Variants in MROH2A observed in about 807,000 individuals in gnomAD.
The protein encoded by MROH2A is maestro heat-like repeat-containing protein family member 2A.
MROH2A carries 174 observed loss-of-function variants against 200.4 expected under a neutral mutation model. That is an observed-to-expected ratio of 0.87 (90% confidence interval 0.77 to 0.98). The LOEUF (loss-of-function observed/expected upper bound fraction) is 0.98. MROH2A is among the 50% of genes least tolerant of loss of function. MROH2A has a pLI of 0.00. For missense variants in MROH2A, 2,045 were observed against 2,139.6 expected, an observed-to-expected ratio of 0.96 and a Z score of 0.87; for synonymous variants, 829 against 840.4, an observed-to-expected ratio of 0.99 and a Z score of 0.23.
chr2:233,809,730 CTA>C (rs1703031827), intron 22 of MROH2A, among the ~76,000 whole-genome samples: 1 of 152,014 alleles, frequency 6.6e-6, no homozygotes, highest in Non-Finnish European at 1.5e-5. Flanking sequence ...TTTTTTAAAA[CTA>C]TGGCAAAATA....
intron 30 of MROH2A, 134 bp downstream of exon 30, chr2:233,819,603 G>C (rs1409788392): frequency 1.0e-6 from 1 of 998,530 alleles, no homozygotes; most frequent in African/African-American, 1.6e-5. Context: ...CTAAAGAGGA[G>C]GAGGAAACAG....
Position 233,798,784 on chromosome 2 carries a change from G to C in MROH2A, c.1263G>C (p.Met421Ile). Residue 421 changes from methionine to isoleucine, a missense_variant, in exon 12 of 42, where the codon ATG (methionine) becomes ATC (isoleucine). Physicochemically the swap from Met to Ile is conservative, Grantham distance 10. Around this residue, in one of 3 missense-constraint regions of MROH2A, gnomAD observed 831 missense variants for 800.0 expected, o/e 1.04. Transcript: ENST00000389758. ...GTTTTCCTCTTTCAGAGCCCAGGATGAGTATCAGGGCCATCTACCTGGCTA... is the reference window on the plus strand; with the variant it reads ...GTTTTCCTCTTTCAGAGCCCAGGATCAGTATCAGGGCCATCTACCTGGCTA... ...RAIVSADEPR[M>I]SIRAIYLAIR... 6.5e-7 allele frequency: 1 copy of C among 1,550,304 alleles called. No individual in the cohort carries two copies. Among genetic ancestry groups the C allele is most frequent in the South Asian group, 1.2e-5 (1 of 84,032 alleles).
At position 233,819,385 on chromosome 2, in the gene MROH2A, G is replaced by A. The variant is rs1375926975; in HGVS notation, c.3273G>A (p.Gly1091=). 1 of 1,550,468 alleles carries A rather than the reference G, an allele frequency of 6.4e-7. No homozygotes were observed. Among genetic ancestry groups the A allele is most frequent in the African/African-American group, 1.4e-5 (1 of 73,046 alleles). ...TCCAGAAGCTCTGCGAGAACACTGG[G>A]GCCATGAACCTGCAGCATGACAAGG... ...SLIQKLCENT[G]AMNLQHDKAS... is the part of the protein sequence containing the mutation. Residue 1091 remains glycine (G), a synonymous_variant, in exon 30 of 42, where the codon GGG becomes GGA. Transcript: ENST00000389758.
At position 233,828,801 on chromosome 2, in the gene MROH2A, C is replaced by G; in HGVS notation, c.4263+22C>G. On this transcript the variant is annotated intron_variant, in intron 36 of 41. Coordinates refer to ENST00000389758, the MANE Select transcript of MROH2A (RefSeq NM_001394639.1). This position sits in a 1 kb window ranked among gnomAD's most constrained non-coding sequence, Gnocchi z 4.6. ...GAAGGTACTGTGCCTGGCCCTGGGC[C>G]CAGGTCCCGGGAGCTGAGGGTGCAG... 1 of 1,549,302 alleles carries G rather than the reference C, an allele frequency of 6.5e-7. No individual in the cohort carries two copies. The highest frequency in any genetic ancestry group is 8.7e-7 in the Non-Finnish European group (1 of 1,146,200).
chr2:233,779,935 T>A, intron 3 of MROH2A, 83 bp downstream of exon 3: 1 of 1,175,494 alleles, frequency 8.5e-7, no homozygotes, highest in Non-Finnish European at 1.2e-6. Context: ...TTACTGACTA[T>A]CAGAGATGTG....
chr2:233,776,952 G>A (rs1364928656), upstream of MROH2A, among the ~76,000 whole-genome samples: 1 of 152,158 alleles, frequency 6.6e-6, no homozygotes, highest in Non-Finnish European at 1.5e-5. Context: ...AGAACAGCCT[G>A]GGTGAGCCCT....
intron 9 of MROH2A, 45 bp downstream of exon 9, chr2:233,795,790 A>G (rs905826356): frequency 3.9e-5 from 60 of 1,550,516 alleles, no homozygotes; most frequent in Non-Finnish European, 5.0e-5. Context: ...CTCTGGGTGG[A>G]TCAGCAGGAA....
At chr2:233,799,156 A>G (rs944263498) in intron 12 of MROH2A, among the ~76,000 whole-genome samples, 4 of 152,124 alleles carry the variant, frequency 2.6e-5, no homozygotes, top group African/African-American at 9.7e-5. Context: ...TGAGGTCTTT[A>G]TCGCATGTGA....
intron 15 of MROH2A, chr2:233,802,541 A>C: frequency 4.2e-6 from 2 of 475,740 alleles, no homozygotes; most frequent in Non-Finnish European, 3.7e-6. Context: ...CTCACTCCTC[A>C]TGTCCTGTCC....
chr2:233,781,621 C>A (rs1700959922), intron 3 of MROH2A, among the ~76,000 whole-genome samples: 4 of 151,992 alleles, frequency 2.6e-5, no homozygotes, highest in Admixed American at 2.6e-4. Flanking sequence ...CTTGTGTATT[C>A]TGGTTATTAA....
chr2:233,800,338 G>T lies in MROH2A; in HGVS notation c.1560+23G>T, dbSNP rs753739544. 3.6e-6 allele frequency: 5 copies of T among 1,396,186 alleles called. No individual in the cohort carries two copies. In the South Asian group the frequency reaches 3.9e-5, roughly 11 times the overall value. 86.5% of individuals were successfully genotyped at this position (1,396,186 alleles called of 1,614,324 possible). A position where few individuals can be genotyped will look rare whatever the true frequency, so the allele number is the denominator to read the frequency against. ...ACCGTGAGTGGGCCCTGCCCCACCC[G>T]CACAGTGGGTCACCACGCCAGGCTG... On this transcript the variant is annotated intron_variant, in intron 14 of 41. Coordinates refer to ENST00000389758, the MANE Select transcript of MROH2A (RefSeq NM_001394639.1).
chr2:233,821,322 A>G (rs1287759183), intron 31 of MROH2A, among the ~76,000 whole-genome samples: 2 of 151,986 alleles, frequency 1.3e-5, no homozygotes, highest in Non-Finnish European at 2.9e-5. Context: ...CTTGCGCCCC[A>G]TGGCTTCTTT....
intron 13 of MROH2A, 84 bp downstream of exon 13, chr2:233,799,983 G>A (rs13018934): frequency 0.61 from 926,172 of 1,512,016 alleles, 285,380 homozygotes; most frequent in African/African-American, 0.76. Context: ...GCCACTCAGC[G>A]TACCTGTGTT....
At chr2:233,832,751 G>GGGT in intron 41 of MROH2A, 107 bp downstream of exon 41, 3 of 534,378 alleles carry the variant, frequency 5.6e-6, no homozygotes, top group South Asian at 1.8e-5. Context: ...TTGCTGTGGG[G>GGGT]TTTCGGGGGG....
rs1285332201 is a variant in MROH2A at position 233,796,059 on chromosome 2, G to A, written c.1138+14G>A. On this transcript the variant is annotated intron_variant, in intron 10 of 41. Coordinates refer to ENST00000389758, the MANE Select transcript of MROH2A (RefSeq NM_001394639.1). ...TCGTAGCCCTTGGTGAGGCTCTGCG[G>A]CAGGGTGCTCCCTGCCTGCCCCGAG... 3.2e-6 allele frequency: 5 copies of A among 1,549,708 alleles called. No individual in the cohort carries two copies. Among genetic ancestry groups the A allele is most frequent in the Non-Finnish European group, 3.5e-6 (4 of 1,146,414 alleles).
intron 7 of MROH2A, 99 bp downstream of exon 7, chr2:233,793,923 T>TA: frequency 1.7e-6 from 2 of 1,191,696 alleles, no homozygotes; most frequent in Non-Finnish European, 2.2e-6. Flanking sequence ...GGTCCACACT[T>TA]ACTCCCAGGA....
chr2:233,783,686 C>T (rs1701058408), intron 3 of MROH2A, among the ~76,000 whole-genome samples: 1 of 152,178 alleles, frequency 6.6e-6, no homozygotes, highest in Non-Finnish European at 1.5e-5. Flanking sequence ...GCTGGGATTA[C>T]AGGCACGCAC....
At chr2:233,787,923 CAT>C (rs1480245169) in intron 3 of MROH2A, among the ~76,000 whole-genome samples, 12 of 17,096 alleles carry the variant, frequency 7.0e-4, no homozygotes, top group South Asian at 4.4e-3. Flanking sequence ...TATATATATA[CAT>C]ATATATTATA....
intron 24 of MROH2A, 80 bp downstream of exon 24, chr2:233,812,039 T>C (rs1392035937): frequency 6.0e-6 from 6 of 993,234 alleles, no homozygotes; most frequent in African/African-American, 1.6e-5. Context: ...CCTTCAGGGG[T>C]TGTGCCTCCT....
Sources: allele counts gnomAD v4.1 joint callset (sites outside exome capture counted in the v4.1 genomes callset), GRCh38; gene constraint gnomAD v4.1.1; regional missense constraint gnomAD v4.1.1; non-coding constraint Gnocchi (gnomAD v3.1); transcripts MANE v1.5; gene names NCBI Gene and HGNC (gene_info 2026-07-23, HGNC 2026-07-21).